Variants in ADIPOR2 observed in about 807,000 individuals in gnomAD.
ADIPOR2 encodes the protein adiponectin receptor protein 2.
A neutral mutation model predicts 40.9 loss-of-function variants in ADIPOR2; 18 were observed. The ratio of observed to expected loss-of-function variants is 0.44; its 90% confidence interval spans 0.30 to 0.65. ADIPOR2 has a LOEUF of 0.65. Among genes scored for constraint, ADIPOR2 ranks in the 30% least tolerant of loss-of-function variants. ADIPOR2 has a pLI of 0.09. For synonymous variants in ADIPOR2, 165 were observed against 166.4 expected, an observed-to-expected ratio of 0.99 and a Z score of 0.06; for missense variants, 283 against 479.2, an observed-to-expected ratio of 0.59 and a Z score of 3.82.
chr12:1,748,770 T>C (rs2094762541), intron 1 of ADIPOR2, among the ~76,000 whole-genome samples: 1 of 152,088 alleles, frequency 6.6e-6, no homozygotes, highest in Non-Finnish European at 1.5e-5. Flanking sequence ...TTTCCTCTAC[T>C]GTCATACCAC....
intron 1 of ADIPOR2, chr12:1,697,108 T>C (rs542513961): frequency 6.6e-6 from 1 of 152,352 alleles, no homozygotes; most frequent in Admixed American, 6.5e-5. Flanking sequence ...TTTCTGCCAA[T>C]CTGGAGATAA....
chr12:1,766,601 A>G (rs1862386884), intron 2 of ADIPOR2, among the ~76,000 whole-genome samples: 1 of 152,206 alleles, frequency 6.6e-6, no homozygotes, highest in Admixed American at 6.5e-5. Context: ...GCTAAAGTAT[A>G]TAGTTAGGAG....
chr12:1,773,722 C>T (rs1409179989), intron 3 of ADIPOR2, among the ~76,000 whole-genome samples: 1 of 152,050 alleles, frequency 6.6e-6, no homozygotes, highest in Non-Finnish European at 1.5e-5. Flanking sequence ...CTGGAGAACT[C>T]TTTATTATTT....
chr12:1,784,020 C>T lies in ADIPOR2; in HGVS notation c.979C>T (p.Leu327=). 6.2e-7 allele frequency: 1 copy of T among 1,611,214 alleles called. No homozygotes were observed. The highest frequency in any genetic ancestry group is 8.5e-7 in the Non-Finnish European group (1 of 1,178,444). ...MASLYITGAA[L]YAARIPERFF... ...CAGCCTCTACATCACAGGAGCTGCC[C>T]TGTATGCTGCCCGGATCCCCGAACG... The change falls in exon 7 of 8, where the codon CTG becomes TTG. Residue 327 remains leucine, a synonymous_variant. Coordinates refer to ENST00000357103, the MANE Select transcript of ADIPOR2 (RefSeq NM_024551.3).
chr12:1,741,749 A>G (rs2094743341), intron 1 of ADIPOR2, among the ~76,000 whole-genome samples: 1 of 152,234 alleles, frequency 6.6e-6, no homozygotes. Flanking sequence ...CCTGGAGAGT[A>G]TTGTAAAATA....
chr12:1,773,237 G>A (rs1862522727), intron 3 of ADIPOR2, among the ~76,000 whole-genome samples: 1 of 152,192 alleles, frequency 6.6e-6, no homozygotes, highest in Admixed American at 6.5e-5. Context: ...TGTCTTATTG[G>A]TGGTTTAGAC....
intron 1 of ADIPOR2, among the ~76,000 whole-genome samples, chr12:1,693,365 T>C (rs2094631334): frequency 6.6e-6 from 1 of 152,104 alleles, no homozygotes; most frequent in African/African-American, 2.4e-5. Flanking sequence ...ATAGTCAATG[T>C]TGAAAATTTA....
intron 1 of ADIPOR2, among the ~76,000 whole-genome samples, chr12:1,701,928 C>T (rs1436232903): frequency 2.0e-5 from 3 of 152,102 alleles, no homozygotes; most frequent in Non-Finnish European, 1.5e-5. Context: ...TTGAGACCAG[C>T]CTGACCAACA....
chr12:1,697,627 C>T (rs554992557), intron 1 of ADIPOR2: 9 of 152,334 alleles, frequency 5.9e-5, no homozygotes, highest in Non-Finnish European at 1.0e-4. Context: ...TGCTATCAGT[C>T]ACAACATGAG....
At chr12:1,764,354 G>A (rs763630990) in intron 2 of ADIPOR2, among the ~76,000 whole-genome samples, 8 of 151,896 alleles carry the variant, frequency 5.3e-5, no homozygotes, top group Non-Finnish European at 7.4e-5. Flanking sequence ...CACTTTTATC[G>A]TGCCTGGTTT....
At position 1,786,101 on chromosome 12, in the gene ADIPOR2, C is replaced by G. The variant is rs761992740; in HGVS notation, c.*29C>G. ...CTACCAGTCTCCAGGGACTATGACC[C>G]TAAACCAGGGCCTGCGGCACTTGCG... is the stretch of plus-strand genomic sequence containing the variant. On this transcript the variant is annotated 3_prime_UTR_variant, in exon 8 of 8. Transcript: ENST00000357103. The G allele has an allele frequency of 1.4e-5, 23 of 1,605,600 alleles. No homozygotes were observed. Among genetic ancestry groups the G allele is most frequent in the Non-Finnish European group, 1.9e-5 (22 of 1,176,478 alleles).
At chr12:1,733,971 G>T (rs896269651) in intron 1 of ADIPOR2, among the ~76,000 whole-genome samples, 50 of 152,124 alleles carry the variant, frequency 3.3e-4, no homozygotes, top group Non-Finnish European at 8.8e-5. Context: ...GTATTCCATG[G>T]TGTATATGTG....
At chr12:1,724,410 A>G (rs2094703793) in intron 1 of ADIPOR2, among the ~76,000 whole-genome samples, 1 of 152,210 alleles carries the variant, frequency 6.6e-6, no homozygotes. Context: ...CAAATACTGT[A>G]TGATTCCACT....
At chr12:1,707,289 T>G (rs1006315908) in intron 1 of ADIPOR2, among the ~76,000 whole-genome samples, 4 of 152,200 alleles carry the variant, frequency 2.6e-5, no homozygotes, top group African/African-American at 9.6e-5. Context: ...AGGAGTAGAA[T>G]AGCTGAGTCA....
intron 1 of ADIPOR2, among the ~76,000 whole-genome samples, chr12:1,752,009 G>A (rs565733712): frequency 6.6e-6 from 1 of 150,858 alleles, no homozygotes; most frequent in East Asian, 2.0e-4. Flanking sequence ...CCGGGTTCGA[G>A]CAATTCTCCT....
chr12:1,709,517 A>G (rs1171780402), intron 1 of ADIPOR2, among the ~76,000 whole-genome samples: 3 of 152,198 alleles, frequency 2.0e-5, no homozygotes, highest in Admixed American at 1.3e-4. Flanking sequence ...ATAATCATCT[A>G]AAAGAAAAAA....
At chr12:1,763,364 G>A (rs1257500068) in intron 2 of ADIPOR2, among the ~76,000 whole-genome samples, 1 of 152,178 alleles carries the variant, frequency 6.6e-6, no homozygotes, top group African/African-American at 2.4e-5. Flanking sequence ...GGAGGTGGGT[G>A]TTTCTTCTTT....
intron 6 of ADIPOR2, among the ~76,000 whole-genome samples, 200 bp downstream of exon 6, chr12:1,781,276 T>G (rs1355839403): frequency 6.6e-6 from 1 of 152,170 alleles, no homozygotes; most frequent in African/African-American, 2.4e-5. Flanking sequence ...TTATTAATTG[T>G]CTTAAAGCAT....
chr12:1,779,746 T>G (rs1216396592), intron 4 of ADIPOR2, among the ~76,000 whole-genome samples: 2 of 152,224 alleles, frequency 1.3e-5, no homozygotes, highest in Non-Finnish European at 2.9e-5. Flanking sequence ...TGTTGCTGAC[T>G]TCTAATTCAA....
Sources: gnomAD v4.1 joint callset for allele counts (sites outside exome capture counted in the v4.1 genomes callset) on GRCh38, gnomAD v4.1.1 for gene constraint, MANE v1.5 for transcripts, NCBI Gene and HGNC (gene_info 2026-07-23, HGNC 2026-07-21) for gene names.